The following SCN7A variants were observed in gnomAD, a reference collection of about 807,000 sequenced individuals.
SCN7A encodes the protein sodium voltage-gated channel alpha subunit 7, also known as sodium channel protein type 7 subunit alpha.
Under a neutral mutation model 155.2 loss-of-function variants are expected in SCN7A, and 138 were observed. That is an observed-to-expected ratio of 0.89 (90% CI 0.77 to 1.02). The LOEUF (loss-of-function observed/expected upper bound fraction) is 1.02, where lower values mean the gene tolerates loss of function less well. SCN7A is among the 50% of genes least tolerant of loss of function. The pLI, the probability that SCN7A is intolerant of heterozygous loss-of-function variation, is 0.00. For synonymous variants in SCN7A, 693 were observed against 649.0 expected (o/e 1.07, Z -1.03); for missense variants, 2,058 against 1,986.6 (o/e 1.04, Z -0.68).
chr2:166,425,228 C>T (rs1255712041), intron 18 of SCN7A, among the ~76,000 whole-genome samples: 1 of 152,078 alleles, frequency 6.6e-6, no homozygotes, highest in East Asian at 1.9e-4. Flanking sequence ...TAAGGTCTAC[C>T]TCTACCTCCT....
intron 11 of SCN7A, among the ~76,000 whole-genome samples, chr2:166,453,757 C>A (rs147817626): frequency 1.3e-5 from 2 of 152,196 alleles, no homozygotes; most frequent in East Asian, 3.9e-4. Context: ...GGATATGAAG[C>A]ACCTAAGCAA....
intron 16 of SCN7A, among the ~76,000 whole-genome samples, chr2:166,429,613 C>T (rs1274066308): frequency 6.6e-6 from 1 of 152,030 alleles, no homozygotes; most frequent in Non-Finnish European, 1.5e-5. Flanking sequence ...GAGTAAGTCA[C>T]AAGTTTCCCA....
At chr2:166,429,322 A>G in intron 16 of SCN7A, 48 bp from the exon 17 acceptor site, 2 of 1,178,144 alleles carry the variant, frequency 1.7e-6, no homozygotes, top group Non-Finnish European at 2.4e-6. Flanking sequence ...AGTTTCATTT[A>G]CCCATGGTGG....
chr2:166,457,962 T>G (rs1311389245), intron 10 of SCN7A, among the ~76,000 whole-genome samples: 3 of 151,912 alleles, frequency 2.0e-5, no homozygotes, highest in Non-Finnish European at 4.4e-5. Flanking sequence ...TAATAGAGAG[T>G]TCAAACATTC....
At chr2:166,421,506 TAAAAC>T (rs1393285130) in intron 19 of SCN7A, among the ~76,000 whole-genome samples, 3 of 152,022 alleles carry the variant, frequency 2.0e-5, no homozygotes, top group Non-Finnish European at 4.4e-5. Flanking sequence ...TTTAAAAAGA[TAAAAC>T]TAAACTGTTT....
At chr2:166,421,080 A>G in intron 20 of SCN7A, 110 bp downstream of exon 20, 1 of 670,650 alleles carries the variant, frequency 1.5e-6, no homozygotes, top group Non-Finnish European at 2.5e-6. Context: ...TTTTTGTTGT[A>G]TTAATACTGT....
rs1553513525 is a variant in SCN7A at position 166,413,981 on chromosome 2, G to GTGTATATATATATA, written c.3415-861_3415-860insTATATATATATACA. Among the ~76,000 whole-genome samples the GTGTATATATATATA allele has an allele frequency of 1.7e-3, 91 of 53,498 alleles. 1 individual carries two copies. The highest frequency in any genetic ancestry group is 2.1e-3 in the Non-Finnish European group (60 of 28,330). The allele number at this position is 53,498 out of a possible 152,430, so 35.1% of individuals were successfully genotyped here. A position where few individuals can be genotyped will look rare whatever the true frequency, so the allele number is the denominator to read the frequency against. ...CCCCTTTATATATATATGTGTATGT[G>GTGTATATATATATA]TATATATATATATATATATATAAAT... is the stretch of plus-strand genomic sequence containing the variant. On this transcript the variant is annotated intron_variant, in intron 21 of 25. Coordinates refer to ENST00000643258, the MANE Select transcript of SCN7A (RefSeq NM_002976.4).
intron 11 of SCN7A, among the ~76,000 whole-genome samples, 173 bp from the exon 12 acceptor site, chr2:166,447,881 A>G (rs1339414670): frequency 2.0e-5 from 3 of 152,338 alleles, no homozygotes; most frequent in Middle Eastern, 6.8e-3. Context: ...GTATTTTCAT[A>G]CATGCATACA....
At chr2:166,446,532 G>A (rs990348335) in intron 12 of SCN7A, among the ~76,000 whole-genome samples, 4 of 152,076 alleles carry the variant, frequency 2.6e-5, no homozygotes, top group African/African-American at 9.7e-5. Flanking sequence ...ATATATCCAA[G>A]GGATTATGAA....
chr2:166,482,204 A>G (rs1702945141), intron 2 of SCN7A, among the ~76,000 whole-genome samples: 1 of 152,130 alleles, frequency 6.6e-6, no homozygotes, highest in Non-Finnish European at 1.5e-5. Flanking sequence ...TATTTTTGAT[A>G]TTTTTAGGGA....
chr2:166,445,180 G>T (rs113442768), intron 12 of SCN7A, among the ~76,000 whole-genome samples, 180 bp from the exon 13 acceptor site: 18,058 of 152,090 alleles, frequency 0.12, 1,133 homozygotes, highest in East Asian at 0.22. Context: ...GTTGGGTGTG[G>T]TGGTGGATGC....
chr2:166,466,447 G>A (rs1702535359), intron 7 of SCN7A, among the ~76,000 whole-genome samples: 1 of 152,082 alleles, frequency 6.6e-6, no homozygotes, highest in Non-Finnish European at 1.5e-5. Flanking sequence ...AAGCAGGAAA[G>A]AGAATAACAC....
At position 166,405,412 on chromosome 2, in the gene SCN7A, A is replaced by G; in HGVS notation, c.*168T>C. On this transcript the variant is annotated 3_prime_UTR_variant, in exon 26 of 26. Coordinates refer to ENST00000643258, the MANE Select transcript of SCN7A (RefSeq NM_002976.4). ...ATATTAAGGATTCTCTTGATTTGTTAGATATAATGCTAAAAAGTGAATTTG... is the reference window on the plus strand; with the variant it reads ...ATATTAAGGATTCTCTTGATTTGTTGGATATAATGCTAAAAAGTGAATTTG... 1 of 567,538 alleles carries G rather than the reference A, an allele frequency of 1.8e-6. No individual in the cohort carries two copies. The highest frequency in any genetic ancestry group is 2.6e-5 in the South Asian group (1 of 38,644). 35.2% of individuals were successfully genotyped at this position (567,538 alleles called of 1,614,324 possible).
chr2:166,457,107 G>A (rs1410364578), intron 10 of SCN7A, 31 bp from the exon 11 acceptor site: 2 of 1,455,682 alleles, frequency 1.4e-6, no homozygotes, highest in East Asian at 2.3e-5. Flanking sequence ...AGGCAAAAGA[G>A]TAAAATGTTA....
intron 18 of SCN7A, among the ~76,000 whole-genome samples, chr2:166,426,145 A>G (rs1405456319): frequency 1.3e-5 from 2 of 152,092 alleles, no homozygotes; most frequent in Admixed American, 1.3e-4. Context: ...TTTGAAAGCA[A>G]AATTTCACAC....
intron 19 of SCN7A, among the ~76,000 whole-genome samples, chr2:166,422,826 A>G (rs372971093): frequency 1.3e-5 from 2 of 152,176 alleles, no homozygotes; most frequent in East Asian, 1.9e-4. Flanking sequence ...TGCAGGGCAG[A>G]AGCAGGGACA....
intron 10 of SCN7A, among the ~76,000 whole-genome samples, chr2:166,458,626 G>A (rs890072152): frequency 6.6e-6 from 1 of 151,992 alleles, no homozygotes; most frequent in African/African-American, 2.4e-5. Flanking sequence ...CAATTTTTTG[G>A]TTTTTTATAC....
At chr2:166,432,243 T>C in intron 16 of SCN7A, 75 bp downstream of exon 16, 1 of 1,195,448 alleles carries the variant, frequency 8.4e-7, no homozygotes, top group South Asian at 1.5e-5. Flanking sequence ...GCTGTGGAAC[T>C]TCGGCGCTGA....
chr2:166,422,340 G>GAA (rs1382236003), intron 19 of SCN7A, among the ~76,000 whole-genome samples: 1 of 152,068 alleles, frequency 6.6e-6, no homozygotes, highest in Non-Finnish European at 1.5e-5. Context: ...CTTAGTGGGA[G>GAA]AAAACAGACA....
Sources: allele counts gnomAD v4.1 joint callset (sites outside exome capture counted in the v4.1 genomes callset), GRCh38; gene constraint gnomAD v4.1.1; transcripts MANE v1.5; gene names NCBI Gene and HGNC (gene_info 2026-07-23, HGNC 2026-07-21).